The following PCDHA11 variants were observed in gnomAD, a reference collection of about 807,000 sequenced individuals.
PCDHA11 encodes protocadherin alpha 11.
Under a neutral mutation model 70.3 loss-of-function variants are expected in PCDHA11, and 61 were observed. The ratio of observed to expected loss-of-function variants is 0.87; its 90% CI spans 0.71 to 1.07. The LOEUF (loss-of-function observed/expected upper bound fraction) is 1.07, where lower values mean the gene tolerates loss of function less well. PCDHA11 is among the 50% of genes least tolerant of loss of function. The probability of loss-of-function intolerance (pLI) is 0.00; values close to 1 mark genes in which losing one functional copy is unlikely to be tolerated. For synonymous variants in PCDHA11, 633 were observed against 555.1 expected (o/e 1.14, Z -1.97); for missense variants, 1,324 against 1,237.5 (o/e 1.07, Z -1.05).
At chr5:140,966,865 G>T (rs1554228807) in intron 1 of PCDHA11, 4 of 1,565,172 alleles carry the variant, frequency 2.6e-6, no homozygotes, top group Non-Finnish European at 1.7e-6. Context: ...TGCTGTTGCT[G>T]CTGCTGCTAC....
At position 141,011,014 on chromosome 5, in the gene PCDHA11, C is replaced by T. The variant is rs2098419102; in HGVS notation, c.*1077C>T. On this transcript the variant is annotated 3_prime_UTR_variant, in exon 4 of 4. Coordinates refer to ENST00000398640, the MANE Select transcript of PCDHA11 (RefSeq NM_018902.5). ...CATCTGTATTATATCGGCCACCTGC[C>T]AATCACAGCTTTACTCTTTCAGGTC... 6.5e-6 allele frequency: 1 copy of T among 153,758 alleles called. No individual in the cohort carries two copies. Among genetic ancestry groups the T allele is most frequent in the Admixed American group, 6.5e-5 (1 of 15,286 alleles). 9.5% of individuals were successfully genotyped at this position (153,758 alleles called of 1,614,324 possible).
At chr5:140,968,288 C>T (rs782056996) in intron 1 of PCDHA11, 16 of 1,613,976 alleles carry the variant, frequency 9.9e-6, no homozygotes, top group Middle Eastern at 1.6e-4. Context: ...GACCTACTCC[C>T]TTCTGGAGAG....
chr5:140,885,152 T>C (rs1182560213), intron 1 of PCDHA11, among the ~76,000 whole-genome samples: 1 of 152,206 alleles, frequency 6.6e-6, no homozygotes, highest in African/African-American at 2.4e-5. Context: ...CTGTTTTGAT[T>C]GTCTCTACTT....
chr5:140,969,249 A>G (rs1586364972), intron 1 of PCDHA11: 1 of 1,614,240 alleles, frequency 6.2e-7, no homozygotes, highest in Admixed American at 1.7e-5. Flanking sequence ...GCAGTGACTG[A>G]CAGCAGGAAT....
At chr5:141,000,410 TA>T (rs2097918693) in intron 3 of PCDHA11, among the ~76,000 whole-genome samples, 2 of 101,940 alleles carry the variant, frequency 2.0e-5, no homozygotes, top group African/African-American at 7.8e-5. Flanking sequence ...TATATATATA[TA>T]TATATATATA....
intron 1 of PCDHA11, among the ~76,000 whole-genome samples, chr5:140,962,176 C>T (rs1554225858): frequency 6.6e-6 from 1 of 152,104 alleles, no homozygotes; most frequent in Admixed American, 6.6e-5. Flanking sequence ...CACCCGGCCA[C>T]TTATATCACT....
chr5:140,966,659 G>T, intron 1 of PCDHA11: 1 of 1,217,656 alleles, frequency 8.2e-7, no homozygotes, highest in South Asian at 2.0e-5. Flanking sequence ...AGCGGTGGGG[G>T]AGCAGGCGCA....
At chr5:140,960,841 T>C (rs1554225062) in intron 1 of PCDHA11, among the ~76,000 whole-genome samples, 1 of 152,222 alleles carries the variant, frequency 6.6e-6, no homozygotes, top group African/African-American at 2.4e-5. Context: ...GGAACAGGTT[T>C]AATGGCAACT....
At chr5:141,000,393 C>CTATAAATATA (rs1563650230) in intron 3 of PCDHA11, among the ~76,000 whole-genome samples, 1 of 52,856 alleles carries the variant, frequency 1.9e-5, no homozygotes, top group African/African-American at 9.2e-5. Flanking sequence ...CTCTCTCTCT[C>CTATAAATATA]TCTATATATA....
intron 1 of PCDHA11, chr5:140,968,038 C>T (rs1554230238): frequency 8.7e-6 from 14 of 1,614,148 alleles, no homozygotes; most frequent in East Asian, 2.2e-5. Flanking sequence ...TGGTGGTGAG[C>T]GGCCCACTGG....
intron 1 of PCDHA11, among the ~76,000 whole-genome samples, chr5:140,895,352 G>A (rs1322887367): frequency 7.9e-5 from 12 of 151,916 alleles, no homozygotes; most frequent in African/African-American, 2.9e-4. Flanking sequence ...GCTTTCCAGT[G>A]AGTACTTATT....
intron 1 of PCDHA11, among the ~76,000 whole-genome samples, chr5:140,912,146 T>G (rs1248730371): frequency 6.6e-6 from 1 of 152,202 alleles, no homozygotes; most frequent in Admixed American, 6.5e-5. Flanking sequence ...CATGTTCTTC[T>G]GCCTGTTTTT....
chr5:140,995,867 G>A (rs1355291744), intron 3 of PCDHA11, among the ~76,000 whole-genome samples: 1 of 152,152 alleles, frequency 6.6e-6, no homozygotes, highest in Non-Finnish European at 1.5e-5. Flanking sequence ...CTTAATAATT[G>A]TGCAACCTGT....
chr5:140,988,936 T>C (rs2097321406), intron 3 of PCDHA11: 1 of 152,158 alleles, frequency 6.6e-6, no homozygotes, highest in Non-Finnish European at 1.5e-5. Flanking sequence ...ACTGTTCTCT[T>C]AGGCTGCAGT....
chr5:140,874,304 A>G (rs559038069), intron 1 of PCDHA11, among the ~76,000 whole-genome samples: 1 of 152,234 alleles, frequency 6.6e-6, no homozygotes, highest in African/African-American at 2.4e-5. Flanking sequence ...ACTTGTTCAC[A>G]ATGAGTTGTA....
intron 1 of PCDHA11, chr5:140,930,511 C>G (rs2086907383): frequency 6.6e-6 from 1 of 152,616 alleles, no homozygotes; most frequent in African/African-American, 2.4e-5. Context: ...GCATGAGCCA[C>G]TGCAGCTGGC....
At position 140,929,086 on chromosome 5, in the gene PCDHA11, G is replaced by A. The variant is rs899611580; in HGVS notation, c.2392-49863G>A. 2.5e-6 allele frequency: 4 copies of A among 1,614,158 alleles called. No individual in the cohort carries two copies. The South Asian group carries it at 4.4e-5, about 18-fold the overall frequency. On this transcript the variant is annotated intron_variant, in intron 1 of 3. Coordinates refer to ENST00000398640, the MANE Select transcript of PCDHA11 (RefSeq NM_018902.5). ...GGATCTGAGGTATGGAAGTAAGATG[G>A]TTTCAAATCCTTGCATGACATCAGC... is the stretch of plus-strand genomic sequence containing the variant.
In PCDHA11 at chr5:141,005,428, G is replaced by T. The variant is rs907211430; in HGVS notation, c.2540-4199G>T. On this transcript the variant is annotated intron_variant, in intron 3 of 3. Transcript: ENST00000398640. ...AGAGTGAGGAGTCATGCTAAGAATG[G>T]ATGAGAGGCTCACGCCTGTAATCCC... Among the ~76,000 whole-genome samples, 21 of 152,154 alleles carry T rather than the reference G, an allele frequency of 1.4e-4. 1 individual carries two copies. The highest frequency in any genetic ancestry group is 1.2e-3 in the Admixed American group (19 of 15,266).
chr5:140,982,380 C>G, intron 2 of PCDHA11, 95 bp from the exon 3 acceptor site: 1 of 1,577,206 alleles, frequency 6.3e-7, no homozygotes, highest in Non-Finnish European at 8.6e-7. Flanking sequence ...AGCTGCAGCC[C>G]TGGCTTCATA....
Sources: allele counts gnomAD v4.1 joint callset (sites outside exome capture counted in the v4.1 genomes callset), GRCh38; gene constraint gnomAD v4.1.1; transcripts MANE v1.5; gene names NCBI Gene and HGNC (gene_info 2026-07-23, HGNC 2026-07-21).